Variants in NMNAT2 observed in about 807,000 individuals in gnomAD.
NMNAT2 encodes nicotinamide nucleotide adenylyltransferase 2, also known as nicotinamide/nicotinic acid mononucleotide adenylyltransferase 2.
Under a neutral mutation model 41.6 loss-of-function variants are expected in NMNAT2, and 11 were observed. The observed-to-expected ratio is 0.26, with a 90% confidence interval of 0.17 to 0.44. NMNAT2 has a LOEUF of 0.44. Ranked by LOEUF, NMNAT2 falls within the 20% of genes least tolerant of loss-of-function variation. The pLI is 1.00. For missense variants in NMNAT2, 288 were observed against 407.7 expected (o/e 0.71, Z 2.53); for synonymous variants, 148 against 151.2 (o/e 0.98, Z 0.16).
At chr1:183,356,632 G>T (rs996384212) in intron 1 of NMNAT2, among the ~76,000 whole-genome samples, 5 of 152,200 alleles carry the variant, frequency 3.3e-5, no homozygotes, top group African/African-American at 1.2e-4. Context: ...GACAAGATCA[G>T]CTGGGTAAAC....
intron 1 of NMNAT2, among the ~76,000 whole-genome samples, chr1:183,323,503 G>A (rs1459754128): frequency 1.3e-5 from 2 of 152,226 alleles, no homozygotes; most frequent in Non-Finnish European, 2.9e-5. Context: ...ATTGGAAAGT[G>A]AGCACATGTA....
At chr1:183,257,208 C>T (rs928923263) in intron 10 of NMNAT2, among the ~76,000 whole-genome samples, 7 of 151,772 alleles carry the variant, frequency 4.6e-5, no homozygotes, top group African/African-American at 1.7e-4. Context: ...TTTGGGAGGC[C>T]GAGGTGGGTG....
intron 4 of NMNAT2, 39 bp from the exon 5 acceptor site, chr1:183,286,827 T>G (rs1661413720): frequency 1.3e-5 from 21 of 1,586,298 alleles, no homozygotes; most frequent in Non-Finnish European, 1.8e-5. Flanking sequence ...TCATGTGACT[T>G]TGAGAATCGT....
Position 183,261,086 on chromosome 1 carries a change from C to T in NMNAT2, c.754-17G>A, listed in dbSNP as rs904440094. The T allele has an allele frequency of 5.0e-6, 8 of 1,612,118 alleles. No homozygotes were observed. In the African/African-American group the frequency reaches 9.3e-5, roughly 19 times the overall value. On this transcript the variant is annotated splice_polypyrimidine_tract_variant and intron_variant, in intron 9 of 10. Transcript: ENST00000287713. ...GATGTTGTTCTGAGGACAGAGCAGA[C>T]AGAGTCAGTTGCCAGTCCCTCCCAC... is the stretch of plus-strand genomic sequence containing the variant.
intron 1 of NMNAT2, among the ~76,000 whole-genome samples, chr1:183,365,988 ATG>A: frequency 6.6e-6 from 1 of 152,140 alleles, no homozygotes; most frequent in Non-Finnish European, 1.5e-5. Flanking sequence ...TCCATCAAAA[ATG>A]TTTTATCCTC....
At chr1:183,330,172 T>C (rs1324566210) in intron 1 of NMNAT2, among the ~76,000 whole-genome samples, 2 of 152,336 alleles carry the variant, frequency 1.3e-5, no homozygotes, top group Middle Eastern at 3.4e-3. Context: ...AGTTGCCTCA[T>C]CTGTAAAATG....
chr1:183,300,852 T>A (rs903416438), intron 1 of NMNAT2, among the ~76,000 whole-genome samples: 2 of 152,192 alleles, frequency 1.3e-5, no homozygotes, highest in Non-Finnish European at 1.5e-5. Flanking sequence ...TTAGAAGATT[T>A]TGGTTTGTTA....
At chr1:183,323,102 T>C (rs1662386608) in intron 1 of NMNAT2, among the ~76,000 whole-genome samples, 1 of 152,160 alleles carries the variant, frequency 6.6e-6, no homozygotes, top group Non-Finnish European at 1.5e-5. Context: ...AGGCTTATTT[T>C]TGTATTCTTA....
intron 10 of NMNAT2, among the ~76,000 whole-genome samples, chr1:183,260,465 C>G (rs1022621629): frequency 4.2e-4 from 5 of 11,870 alleles, no homozygotes; most frequent in Non-Finnish European, 3.4e-3. Context: ...ACTGAAAACA[C>G]CCTGTTCTCC....
chr1:183,249,387 G>C lies in NMNAT2; in HGVS notation c.*3254C>G, dbSNP rs1223868815. On this transcript the variant is annotated 3_prime_UTR_variant, in exon 11 of 11. Transcript: ENST00000287713. ...CAGCCACTTTCAGAAAAATGGGAGAGACATTTTTTGCTGGTGAACAGGAAA... is the reference window on the plus strand; with the variant it reads ...CAGCCACTTTCAGAAAAATGGGAGACACATTTTTTGCTGGTGAACAGGAAA... 6.6e-6 allele frequency: 1 copy of C among 152,156 alleles called. No homozygotes were observed. The highest frequency in any genetic ancestry group is 2.4e-5 in the African/African-American group (1 of 41,420). The allele number at this position is 152,156 out of a possible 1,614,324, so 9.4% of individuals were successfully genotyped here.
At chr1:183,275,276 C>T (rs562390539) in intron 8 of NMNAT2, among the ~76,000 whole-genome samples, 37 of 152,108 alleles carry the variant, frequency 2.4e-4, no homozygotes, top group African/African-American at 8.9e-4. Context: ...ATGATATTTC[C>T]GGCACACCTC....
intron 1 of NMNAT2, among the ~76,000 whole-genome samples, chr1:183,370,155 G>C (rs988264698): frequency 6.6e-5 from 10 of 151,618 alleles, no homozygotes; most frequent in African/African-American, 2.4e-4. Context: ...GGGAGAAAAA[G>C]AGCCTGGGAT....
chr1:183,276,018 T>A (rs1011375326), intron 8 of NMNAT2, among the ~76,000 whole-genome samples: 1 of 152,178 alleles, frequency 6.6e-6, no homozygotes, highest in African/African-American at 2.4e-5. Flanking sequence ...CGGGGACTAG[T>A]TGGTCACCTG....
intron 1 of NMNAT2, among the ~76,000 whole-genome samples, chr1:183,328,366 G>A (rs1457294003): frequency 6.6e-6 from 1 of 152,210 alleles, no homozygotes; most frequent in Non-Finnish European, 1.5e-5. Flanking sequence ...ATTTTGAAAA[G>A]AGCCTCTCTG....
intron 8 of NMNAT2, among the ~76,000 whole-genome samples, chr1:183,271,624 T>C (rs780761967): frequency 9.2e-5 from 14 of 152,252 alleles, no homozygotes; most frequent in Non-Finnish European, 2.1e-4. Flanking sequence ...AGAAATATTA[T>C]AATGAAAAGT....
At chr1:183,267,851 G>T (rs896449134) in intron 8 of NMNAT2, among the ~76,000 whole-genome samples, 1 of 152,030 alleles carries the variant, frequency 6.6e-6, no homozygotes, top group Non-Finnish European at 1.5e-5. Flanking sequence ...AATCTCATTC[G>T]TGATGGTGGC....
chr1:183,386,685 T>C (rs1258266149), intron 1 of NMNAT2, among the ~76,000 whole-genome samples: 1 of 152,184 alleles, frequency 6.6e-6, no homozygotes, highest in East Asian at 1.9e-4. Context: ...TTCTGCCTTT[T>C]TCACTTGACA....
chr1:183,351,742 G>A (rs1341481677), intron 1 of NMNAT2, among the ~76,000 whole-genome samples: 1 of 152,298 alleles, frequency 6.6e-6, no homozygotes, highest in Non-Finnish European at 1.5e-5. Context: ...TTGTTCTAAA[G>A]TGTTGGACTG....
chr1:183,402,192 C>T (rs186288660), intron 1 of NMNAT2, among the ~76,000 whole-genome samples: 1 of 152,142 alleles, frequency 6.6e-6, no homozygotes, highest in Non-Finnish European at 1.5e-5. Context: ...TCTTAAATGA[C>T]TAGGAGAGAC....
Sources: gnomAD v4.1 joint callset for allele counts (sites outside exome capture counted in the v4.1 genomes callset) on GRCh38, gnomAD v4.1.1 for gene constraint, MANE v1.5 for transcripts, NCBI Gene and HGNC (gene_info 2026-07-23, HGNC 2026-07-21) for gene names.